The following EBF3 variants were observed in gnomAD, a reference collection of about 807,000 sequenced individuals.
EBF3 encodes EBF transcription factor 3.
EBF3 carries 18 observed loss-of-function variants against 77.1 expected under a neutral mutation model. The observed-to-expected ratio is 0.23, with a 90% CI of 0.16 to 0.35. The LOEUF is 0.35. Among genes scored for constraint, EBF3 ranks in the 10% least tolerant of loss-of-function variants. EBF3 has a pLI of 1.00. For synonymous variants in EBF3, 350 were observed against 343.5 expected, an observed-to-expected ratio of 1.02 and a Z score of -0.21; for missense variants, 558 against 860.0, an observed-to-expected ratio of 0.65 and a Z score of 4.39.
intron 15 of EBF3, among the ~76,000 whole-genome samples, chr10:129,839,867 AGTGCCAGGCCCC>A (rs1849888554): frequency 6.6e-6 from 1 of 152,218 alleles, no homozygotes; most frequent in South Asian, 2.1e-4. Flanking sequence ...TGCGCTGAGA[AGTGCCAGGCCCC>A]GGGCAAAGGC....
intron 6 of EBF3, among the ~76,000 whole-genome samples, chr10:129,941,748 G>A (rs1857757812): frequency 6.6e-6 from 1 of 152,254 alleles, no homozygotes; most frequent in Non-Finnish European, 1.5e-5. Context: ...GCAGAGCTTG[G>A]GGACAGGACC....
Position 129,864,139 on chromosome 10 carries a change from G to C in EBF3, c.1039+3002C>G, listed in dbSNP as rs1462020024. On this transcript the variant is annotated intron_variant, in intron 10 of 16. Coordinates refer to ENST00000440978, the MANE Select transcript of EBF3 (RefSeq NM_001375380.1). This position sits in a 1 kb window ranked among gnomAD's most constrained non-coding sequence, Gnocchi z 4.4. Reference sequence around the variant, plus strand: ...CACTGGTCCCTTAGTAGGAGGATATGAGACCTGGAGAGGATATCCCTGGCC... The same window carrying C: ...CACTGGTCCCTTAGTAGGAGGATATCAGACCTGGAGAGGATATCCCTGGCC... Among the ~76,000 whole-genome samples, 1 of 152,142 alleles carries C rather than the reference G, an allele frequency of 6.6e-6. No individual in the cohort carries two copies. Among genetic ancestry groups the C allele is most frequent in the Non-Finnish European group, 1.5e-5 (1 of 68,032 alleles).
At chr10:129,945,709 A>G (rs1194311660) in intron 6 of EBF3, among the ~76,000 whole-genome samples, 1 of 152,216 alleles carries the variant, frequency 6.6e-6, no homozygotes, top group East Asian at 1.9e-4. Context: ...TCTTCACAAA[A>G]AGATAATTAC....
rs35572745 is a variant in EBF3 at position 129,873,495 on chromosome 10, G to A, written c.738C>T (p.Arg246=). 4 of 1,593,880 alleles carry A rather than the reference G, an allele frequency of 2.5e-6. No individual in the cohort carries two copies. Among genetic ancestry groups the A allele is most frequent in the Non-Finnish European group, 3.4e-6 (4 of 1,167,830 alleles). The change falls in exon 8 of 17, where the codon CGC becomes CGT. Residue 246 remains arginine (R), a synonymous_variant. Transcript: ENST00000440978. ...NNSKHGRRAR[R]LDPSEGTAPS... is the part of the protein sequence containing the mutation. ...GGGCCGTACCTTCTGACGGGTCTAG[G>A]CGGCGGGCCCGCCTCCCGTGTTTGG...
chr10:129,867,352 T>C, intron 9 of EBF3, 85 bp from the exon 10 acceptor site: 1 of 1,575,596 alleles, frequency 6.3e-7, no homozygotes, highest in Non-Finnish European at 8.6e-7. Flanking sequence ...ATTACCAAAA[T>C]GAGCACAAAT....
chr10:129,900,614 C>T (rs1589819340), intron 6 of EBF3, among the ~76,000 whole-genome samples: 1 of 152,382 alleles, frequency 6.6e-6, no homozygotes, highest in East Asian at 1.9e-4. Context: ...CTCCAGTTCT[C>T]CTCACTTTGA....
At chr10:129,956,015 A>G (rs1456967741) in intron 6 of EBF3, among the ~76,000 whole-genome samples, 2 of 152,238 alleles carry the variant, frequency 1.3e-5, no homozygotes, top group African/African-American at 4.8e-5. Flanking sequence ...GAGTTCTATA[A>G]AGTGTTGAAC....
intron 10 of EBF3, among the ~76,000 whole-genome samples, chr10:129,853,119 G>A (rs556743304): frequency 4.6e-4 from 70 of 152,218 alleles, no homozygotes; most frequent in Non-Finnish European, 9.7e-4. Context: ...AGCAGTGTGC[G>A]CCGCCTGTAA....
rs1554892411 is a variant in EBF3 at position 129,841,046 on chromosome 10, C to CCCT, written c.1373-15_1373-14insAGG. Reference sequence around the variant, plus strand: ...GACTGTAGCCGACTGTTGAAATCCCCCCCCCGGCCAAAAATAACATTATTA... The same window carrying CCCT: ...GACTGTAGCCGACTGTTGAAATCCCCCCTCCCCCGGCCAAAAATAACATTATTA... On this transcript the variant is annotated splice_polypyrimidine_tract_variant and intron_variant, in intron 13 of 16. Transcript: ENST00000440978. This position sits in a 1 kb window ranked among gnomAD's most constrained non-coding sequence, Gnocchi z 4.6. 5 of 1,602,594 alleles carry CCCT rather than the reference C, an allele frequency of 3.1e-6. No homozygotes were observed. In the South Asian group the frequency reaches 4.5e-5, roughly 14 times the overall value.
intron 6 of EBF3, among the ~76,000 whole-genome samples, chr10:129,924,438 A>C (rs980061901): frequency 4.6e-5 from 7 of 150,650 alleles, no homozygotes; most frequent in Non-Finnish European, 8.8e-5. Flanking sequence ...AACAAAAAAA[A>C]AAAAAAACAA....
In EBF3 at chr10:129,867,995, G is replaced by A. The variant is rs1158759206; in HGVS notation, c.782-83C>T. On this transcript the variant is annotated intron_variant, in intron 8 of 16. Transcript: ENST00000440978. ...GCCGCTCGGCCACCGCGCGTCCCGC[G>A]GCCACCGCGGGAGGAGAGGCGCGCC... is the stretch of plus-strand genomic sequence containing the variant. The A allele has an allele frequency of 3.5e-5, 55 of 1,556,444 alleles. No homozygotes were observed. The East Asian group carries it at 4.3e-4, about 12-fold the overall frequency.
chr10:129,937,063 G>A (rs750068162), intron 6 of EBF3, among the ~76,000 whole-genome samples: 19 of 152,182 alleles, frequency 1.2e-4, no homozygotes, highest in Non-Finnish European at 2.6e-4. Flanking sequence ...GCTTCATTCG[G>A]GCCCCAAGGG....
intron 8 of EBF3, among the ~76,000 whole-genome samples, chr10:129,872,557 G>A (rs1167182095): frequency 6.6e-6 from 1 of 152,080 alleles, no homozygotes; most frequent in Admixed American, 6.5e-5. Flanking sequence ...CGGGATAGAG[G>A]ATTTGTCTTA....
Position 129,873,488 on chromosome 10 carries a change from G to T in EBF3, c.745C>A (p.Pro249Thr). 6.3e-7 allele frequency: 1 copy of T among 1,592,392 alleles called. No individual in the cohort carries two copies. The highest frequency in any genetic ancestry group is 8.6e-7 in the Non-Finnish European group (1 of 1,167,020). Residue 249 changes from proline to threonine, a missense_variant, in exon 8 of 17, where the codon CCG (proline) becomes ACG (threonine). By Grantham distance (38) the Pro-to-Thr change is conservative. Around this residue, in one of 5 missense-constraint regions of EBF3, gnomAD observed 112 missense variants for 207.7 expected, o/e 0.54. Coordinates refer to ENST00000440978, the MANE Select transcript of EBF3 (RefSeq NM_001375380.1). ...KHGRRARRLDPSEGTAPSYLE... is the reference protein window; with the variant it reads ...KHGRRARRLDTSEGTAPSYLE... The stretch of plus-strand genomic sequence containing the variant: ...TAAGAAGGGGCCGTACCTTCTGACG[G>T]GTCTAGGCGGCGGGCCCGCCTCCCG...
intron 6 of EBF3, among the ~76,000 whole-genome samples, chr10:129,905,722 G>C (rs868468898): frequency 6.6e-6 from 1 of 152,136 alleles, no homozygotes; most frequent in African/African-American, 2.4e-5. Flanking sequence ...GGACGGTGGC[G>C]GGGAAGGGAA....
intron 11 of EBF3, among the ~76,000 whole-genome samples, chr10:129,844,169 A>T (rs1204136567): frequency 6.6e-6 from 1 of 152,188 alleles, no homozygotes. Flanking sequence ...TGGCTGGAGC[A>T]CAGTGGCCTC....
At chr10:129,933,900 C>T (rs1417738060) in intron 6 of EBF3, among the ~76,000 whole-genome samples, 1 of 152,188 alleles carries the variant, frequency 6.6e-6, no homozygotes, top group Non-Finnish European at 1.5e-5. Flanking sequence ...TCTGCTCAGC[C>T]CCACTCTCTC....
chr10:129,945,330 C>T (rs560500084), intron 6 of EBF3, among the ~76,000 whole-genome samples: 6 of 152,084 alleles, frequency 3.9e-5, no homozygotes, highest in African/African-American at 9.7e-5. Flanking sequence ...AACCATCCCT[C>T]GAAGATAACT....
At chr10:129,892,533 G>A (rs1854093015) in intron 6 of EBF3, among the ~76,000 whole-genome samples, 1 of 152,172 alleles carries the variant, frequency 6.6e-6, no homozygotes, top group Non-Finnish European at 1.5e-5. Flanking sequence ...CTCAGAGAGT[G>A]AGCCGTGTTG....
Sources: gnomAD v4.1 joint callset for allele counts (sites outside exome capture counted in the v4.1 genomes callset) on GRCh38, gnomAD v4.1.1 for gene constraint, gnomAD v4.1.1 regional missense constraint, Gnocchi (gnomAD v3.1) non-coding constraint, MANE v1.5 for transcripts, NCBI Gene and HGNC (gene_info 2026-07-23, HGNC 2026-07-21) for gene names.